PIAS3: variants seen among roughly 807,000 people sequenced by gnomAD.
The protein encoded by PIAS3 is protein inhibitor of activated STAT 3, also known as E3 SUMO-protein ligase PIAS3.
A neutral mutation model predicts 67.6 loss-of-function variants in PIAS3; 34 were observed. The observed-to-expected ratio is 0.50, with a 90% CI of 0.38 to 0.67. The LOEUF is 0.67. Among genes scored for constraint, PIAS3 ranks in the 30% least tolerant of loss-of-function variants. The probability of loss-of-function intolerance (pLI) is 0.00; values close to 1 mark genes in which losing one functional copy is unlikely to be tolerated. For synonymous variants in PIAS3, 341 were observed against 313.8 expected, an observed-to-expected ratio of 1.09 and a Z score of -0.92; for missense variants, 693 against 791.6, an observed-to-expected ratio of 0.88 and a Z score of 1.49.
chr1:145,849,324 CTG>C lies in PIAS3; in HGVS notation c.*120_*121del. The stretch of plus-strand genomic sequence containing the variant: ...CAGAGATGAGGCCAAAAGTAGGCAT[CTG>C]TGAAGGTCTGTCTGGCCCTTGGCCA... On this transcript the variant is annotated 3_prime_UTR_variant, in exon 14 of 14. Transcript: ENST00000393045. 9.9e-7 allele frequency: 1 copy of C among 1,012,476 alleles called. No homozygotes were observed. 62.7% of individuals were successfully genotyped at this position (1,012,476 alleles called of 1,614,324 possible).
chr1:145,852,419 A>G (rs1652999785), intron 9 of PIAS3, among the ~76,000 whole-genome samples: 2 of 152,256 alleles, frequency 1.3e-5, no homozygotes, highest in African/African-American at 4.8e-5. Context: ...TAGTTGTTAT[A>G]GGTGATATAT....
Position 145,849,214 on chromosome 1 carries a change from C to T in PIAS3, c.*232G>A, listed in dbSNP as rs1203468569. ...TAACATACCCAAAGGAATGTGCCAC[C>T]ATCTAAAGAACATTTCCAGAAACAG... On this transcript the variant is annotated 3_prime_UTR_variant, in exon 14 of 14. Coordinates refer to ENST00000393045, the MANE Select transcript of PIAS3 (RefSeq NM_006099.3). The T allele has an allele frequency of 1.1e-5, 4 of 376,610 alleles. No homozygotes were observed. Among genetic ancestry groups the T allele is most frequent in the African/African-American group, 6.2e-5 (3 of 48,184 alleles). 23.3% of individuals were successfully genotyped at this position (376,610 alleles called of 1,614,324 possible).
chr1:145,854,500 T>C lies in PIAS3; in HGVS notation c.868A>G (p.Arg290Gly). ...LTAGTLLQKL[R>G]AKGIRNPDHS... is the part of the protein sequence containing the mutation. ...TCTGGGTTCCGGATACCCTTTGCTC[T>C]GAGTTTTTGTAGAAGGGTTCCTGCA... The change falls in exon 7 of 14, where the codon AGA becomes GGA. Residue 290 changes from arginine (R) to glycine (G), a missense_variant. This residue lies in a region of PIAS3 where 115 missense variants were observed against 181.8 expected (regional missense o/e 0.63). Coordinates refer to ENST00000393045, the MANE Select transcript of PIAS3 (RefSeq NM_006099.3). The C allele has an allele frequency of 6.2e-7, 1 of 1,613,858 alleles. No homozygotes were observed.
chr1:145,852,881 G>A (rs782072918), intron 9 of PIAS3, among the ~76,000 whole-genome samples: 10 of 151,988 alleles, frequency 6.6e-5, no homozygotes, highest in South Asian at 2.1e-4. Context: ...GGTAGGAGCC[G>A]AGTCCATAGG....
At chr1:145,852,077 A>T (rs1047048520) in intron 9 of PIAS3, among the ~76,000 whole-genome samples, 1 of 152,008 alleles carries the variant, frequency 6.6e-6, no homozygotes, top group East Asian at 1.9e-4. Context: ...CTTTCTAAAC[A>T]CTTGTGTAAA....
rs782252189 is a variant in PIAS3 at position 145,855,997 on chromosome 1, G to A, written c.578+71C>T. 13 of 1,272,152 alleles carry A rather than the reference G, an allele frequency of 1.0e-5. No homozygotes were observed. The East Asian group carries it at 2.8e-4, about 27-fold the overall frequency. 78.8% of individuals were successfully genotyped at this position (1,272,152 alleles called of 1,614,324 possible). ...GGCAGAGCAGGGACATCTCGTAAGG[G>A]TATCTGTCATACCCCTACTTCACTC... On this transcript the variant is annotated intron_variant, in intron 4 of 13. Transcript: ENST00000393045.
chr1:145,857,264 C>A, intron 1 of PIAS3: 1 of 520,546 alleles, frequency 1.9e-6, no homozygotes, highest in Non-Finnish European at 3.5e-6. Context: ...GGCCTGGAAG[C>A]AGCCAGAGTG....
At chr1:145,854,926 G>A in intron 5 of PIAS3, 46 bp from the exon 6 acceptor site, 1 of 1,607,718 alleles carries the variant, frequency 6.2e-7, no homozygotes. Flanking sequence ...CTCTGGGAAG[G>A]GGCTCTGCTC....
intron 11 of PIAS3, 83 bp downstream of exon 11, chr1:145,850,688 C>T (rs782561791): frequency 3.8e-6 from 6 of 1,595,954 alleles, no homozygotes; most frequent in Non-Finnish European, 5.1e-6. Flanking sequence ...TTCTCTTGCC[C>T]CAGGCTTTGT....
intron 9 of PIAS3, among the ~76,000 whole-genome samples, chr1:145,851,845 C>G (rs1198866235): frequency 1.4e-5 from 2 of 147,538 alleles, no homozygotes; most frequent in Admixed American, 1.4e-4. Flanking sequence ...CCCAGCTACT[C>G]AGGAGGCTGA....
Position 145,848,564 on chromosome 1 carries a change from C to CTT in PIAS3, c.*880_*881dup. ...ATTATGGGTGAGAGCTTCACTACAA[C>CTT]TTTAGAAATAAAAAGTAAAATTACA... is the stretch of plus-strand genomic sequence containing the variant. On this transcript the variant is annotated 3_prime_UTR_variant, in exon 14 of 14. Transcript: ENST00000393045. 1 of 965,138 alleles carries CTT rather than the reference C, an allele frequency of 1.0e-6. No homozygotes were observed. Among genetic ancestry groups the CTT allele is most frequent in the South Asian group, 1.5e-5 (1 of 66,018 alleles). The allele number at this position is 965,138 out of a possible 1,614,324, so 59.8% of individuals were successfully genotyped here. A position where few individuals can be genotyped will look rare whatever the true frequency, so the allele number is the denominator to read the frequency against.
intron 13 of PIAS3, 200 bp from the exon 14 acceptor site, chr1:145,849,912 A>G (rs1235648852): frequency 4.9e-6 from 7 of 1,437,408 alleles, no homozygotes; most frequent in Admixed American, 2.9e-5. Flanking sequence ...AGCTCCTCCA[A>G]CTTGTTAGGT....
At chr1:145,850,719 C>T in intron 11 of PIAS3, 52 bp downstream of exon 11, 1 of 1,606,356 alleles carries the variant, frequency 6.2e-7, no homozygotes, top group Non-Finnish European at 8.5e-7. Context: ...GAAAGCAATC[C>T]TGACTTCTTC....
chr1:145,853,904 C>T lies in PIAS3; in HGVS notation c.911-18G>A. 1 of 1,611,906 alleles carries T rather than the reference C, an allele frequency of 6.2e-7. No homozygotes were observed. The highest frequency in any genetic ancestry group is 8.5e-7 in the Non-Finnish European group (1 of 1,178,622). ...CTCCTTGACTGAAACAAAAGTGAGG[C>T]CAGAGCCATGGGGTCAGCAAGGCTG... On this transcript the variant is annotated intron_variant, in intron 7 of 13. Transcript: ENST00000393045.
chr1:145,858,953 G>C lies in PIAS3; in HGVS notation c.24+14C>G, dbSNP rs782737027. Reference sequence around the variant, plus strand: ...GGCTGAGTCCAGATGGGGATGGGGGGAGGGGGCCGGTACCTTTAATTCGCC... The same window carrying C: ...GGCTGAGTCCAGATGGGGATGGGGGCAGGGGGCCGGTACCTTTAATTCGCC... On this transcript the variant is annotated intron_variant, in intron 1 of 13. Coordinates refer to ENST00000393045, the MANE Select transcript of PIAS3 (RefSeq NM_006099.3). 79 of 1,523,828 alleles carry C rather than the reference G, an allele frequency of 5.2e-5. No homozygotes were observed. Among genetic ancestry groups the C allele is most frequent in the Non-Finnish European group, 6.2e-5 (71 of 1,137,238 alleles). The allele number at this position is 1,523,828 out of a possible 1,614,324, so 94.4% of individuals were successfully genotyped here. A position where few individuals can be genotyped will look rare whatever the true frequency, so the allele number is the denominator to read the frequency against.
intron 5 of PIAS3, among the ~76,000 whole-genome samples, chr1:145,855,522 G>A (rs1229269798): frequency 2.6e-5 from 4 of 151,506 alleles, no homozygotes; most frequent in African/African-American, 4.8e-5. Context: ...CTTACATCTC[G>A]GGTTGAACTA....
Position 145,854,791 on chromosome 1 carries a change from A to G in PIAS3, c.759T>C (p.Thr253=). 6.2e-7 allele frequency: 1 copy of G among 1,614,200 alleles called. No homozygotes were observed. Among genetic ancestry groups the G allele is most frequent in the South Asian group, 1.1e-5 (1 of 91,088 alleles). The change falls in exon 6 of 14, where the codon ACT becomes ACC. Residue 253 remains threonine, a synonymous_variant. Transcript: ENST00000393045. ...NITPLARLSA[T]VPNTIVVNWS... ...AATTGACCACAATGGTGTTGGGAAC[A>G]GTGGCTGAGAGTCGAGCCAGGGGTG...
intron 5 of PIAS3, among the ~76,000 whole-genome samples, chr1:145,855,146 G>A (rs1653115316): frequency 6.6e-6 from 1 of 152,122 alleles, no homozygotes; most frequent in Non-Finnish European, 1.5e-5. Context: ...CTGAGGAGGA[G>A]GAATAAGGAT....
In PIAS3 at chr1:145,853,532, C is replaced by A. The variant is rs1553734799; in HGVS notation, c.1117G>T (p.Ala373Ser). 6.2e-7 allele frequency: 1 copy of A among 1,612,982 alleles called. No individual in the cohort carries two copies. The highest frequency in any genetic ancestry group is 1.7e-5 in the Admixed American group (1 of 59,890). The change falls in exon 9 of 14, where the codon GCT (alanine) becomes TCT (serine). Residue 373 changes from alanine to serine, a missense_variant. Ala to Ser is a moderately conservative substitution (Grantham distance 99). Transcript: ENST00000393045. ...TCAATGATAAGAGATTCATAGGGAG[C>A]CTTCTTGTCACACACAGGACATGTC... ...TWTCPVCDKKAPYESLIIDGL... is the reference protein window; with the variant it reads ...TWTCPVCDKKSPYESLIIDGL...
Sources: allele counts gnomAD v4.1 joint callset (sites outside exome capture counted in the v4.1 genomes callset), GRCh38; gene constraint gnomAD v4.1.1; regional missense constraint gnomAD v4.1.1; transcripts MANE v1.5; gene names NCBI Gene and HGNC (gene_info 2026-07-23, HGNC 2026-07-21).